The following PSD3 variants were observed in gnomAD, a reference collection of about 807,000 sequenced individuals.
The protein encoded by PSD3 is pleckstrin and Sec7 domain containing 3.
Under a neutral mutation model 105.5 loss-of-function variants are expected in PSD3, and 49 were observed. That is an observed-to-expected ratio of 0.46 (90% CI 0.37 to 0.59). The LOEUF (loss-of-function observed/expected upper bound fraction) is 0.59. Among genes scored for constraint, PSD3 ranks in the 20% least tolerant of loss-of-function variants. The pLI is 0.00. For missense variants in PSD3, 1,561 were observed against 1,263.8 expected (o/e 1.24, Z -3.57); for synonymous variants, 557 against 457.8 (o/e 1.22, Z -2.77).
At chr8:18,702,489 A>G (rs1039303588) in intron 9 of PSD3, among the ~76,000 whole-genome samples, 2 of 152,240 alleles carry the variant, frequency 1.3e-5, no homozygotes, top group East Asian at 3.8e-4. Flanking sequence ...CTTTTGACAC[A>G]TATACACAAC....
At chr8:19,036,816 G>A (rs995527778) in intron 1 of PSD3, among the ~76,000 whole-genome samples, 5 of 152,142 alleles carry the variant, frequency 3.3e-5, no homozygotes, top group Admixed American at 6.5e-5. Context: ...AATCAGACCA[G>A]GGCTCTTCTT....
intron 9 of PSD3, among the ~76,000 whole-genome samples, chr8:18,700,402 G>T (rs1438584096): frequency 3.3e-5 from 5 of 152,130 alleles, no homozygotes; most frequent in African/African-American, 9.7e-5. Context: ...CTAGAGTACG[G>T]TTGTTTCTTA....
chr8:19,083,664 C>G (rs1345686975), intron 1 of PSD3, among the ~76,000 whole-genome samples: 1 of 150,228 alleles, frequency 6.7e-6, no homozygotes, highest in African/African-American at 2.5e-5. Flanking sequence ...GAAACCTCCA[C>G]AGCTCCCTGG....
At chr8:18,921,813 G>T (rs1821041424) in intron 2 of PSD3, among the ~76,000 whole-genome samples, 1 of 152,190 alleles carries the variant, frequency 6.6e-6, no homozygotes, top group African/African-American at 2.4e-5. Flanking sequence ...AGTAAGGCAG[G>T]CAAGGTATGA....
At chr8:18,882,378 G>A (rs1818164128) in intron 2 of PSD3, among the ~76,000 whole-genome samples, 1 of 152,122 alleles carries the variant, frequency 6.6e-6, no homozygotes, top group Non-Finnish European at 1.5e-5. Context: ...TGATATTAGA[G>A]CCAGTTCATT....
In PSD3 at chr8:18,533,626, C is replaced by T. The variant is rs1563294466; in HGVS notation, c.*2117G>A. 6.6e-6 allele frequency: 1 copy of T among 152,186 alleles called. No homozygotes were observed. The highest frequency in any genetic ancestry group is 1.5e-5 in the Non-Finnish European group (1 of 68,038). 9.4% of individuals were successfully genotyped at this position (152,186 alleles called of 1,614,324 possible). A position where few individuals can be genotyped will look rare whatever the true frequency, so the allele number is the denominator to read the frequency against. On this transcript the variant is annotated 3_prime_UTR_variant, in exon 16 of 16. Transcript: ENST00000327040. ...AGACTGTGGGCAAACACATTCAAGCCACTCAGGGAAGTTCCTTTTTCTTTA... is the reference window on the plus strand; with the variant it reads ...AGACTGTGGGCAAACACATTCAAGCTACTCAGGGAAGTTCCTTTTTCTTTA...
At chr8:18,832,420 C>T (rs532987269) in intron 4 of PSD3, among the ~76,000 whole-genome samples, 4 of 152,082 alleles carry the variant, frequency 2.6e-5, no homozygotes, top group Middle Eastern at 3.4e-3. Flanking sequence ...AAAACTCAAA[C>T]GTTTTGGGCA....
intron 2 of PSD3, among the ~76,000 whole-genome samples, chr8:18,930,488 G>A (rs1821671395): frequency 6.6e-6 from 1 of 152,064 alleles, no homozygotes; most frequent in Admixed American, 6.5e-5. Context: ...CATACGCTTG[G>A]GTATCCTGGG....
At chr8:18,730,642 C>T (rs148510953) in intron 9 of PSD3, among the ~76,000 whole-genome samples, 1 of 152,304 alleles carries the variant, frequency 6.6e-6, no homozygotes, top group African/African-American at 2.4e-5. Flanking sequence ...GTACGCTATA[C>T]ACTGTTTACA....
At chr8:19,004,542 G>A (rs1300268357) in intron 1 of PSD3, among the ~76,000 whole-genome samples, 4 of 151,954 alleles carry the variant, frequency 2.6e-5, no homozygotes, top group Admixed American at 1.3e-4. Flanking sequence ...ATATCTGATA[G>A]GAGACTTCAA....
intron 9 of PSD3, among the ~76,000 whole-genome samples, chr8:18,753,521 C>T (rs1805776281): frequency 6.6e-6 from 1 of 152,032 alleles, no homozygotes; most frequent in African/African-American, 2.4e-5. Context: ...CAATTTAGCA[C>T]AAAAACTATG....
intron 2 of PSD3, among the ~76,000 whole-genome samples, chr8:18,902,797 G>A (rs963034566): frequency 3.3e-5 from 5 of 152,186 alleles, no homozygotes; most frequent in African/African-American, 1.2e-4. Flanking sequence ...ATAACTGTGG[G>A]TGCCTCAGTG....
rs1230994297 is a variant in PSD3 at position 19,028,278 on chromosome 8, A to C, written c.324+55928T>G. Among the ~76,000 whole-genome samples, 796 of 93,550 alleles carry C rather than the reference A, an allele frequency of 8.5e-3. 1 individual carries two copies. Among genetic ancestry groups the C allele is most frequent in the East Asian group, 0.014 (33 of 2,402 alleles). 61.4% of individuals were successfully genotyped at this position (93,550 alleles called of 152,430 possible). Reference sequence around the variant, plus strand: ...TCAATCTTTTGCCACCTCTCACACCACCCCCCCCCCCCGGCCCACCCTTTT... The same window carrying C: ...TCAATCTTTTGCCACCTCTCACACCCCCCCCCCCCCCCGGCCCACCCTTTT... On this transcript the variant is annotated intron_variant, in intron 1 of 1. Transcript: ENST00000521475.
rs570829758 is a variant in PSD3 at position 18,861,631 on chromosome 8, A to G, written c.1634+6043T>C. On this transcript the variant is annotated intron_variant, in intron 4 of 15. Transcript: ENST00000327040. ...TGCTTGAACTCTCACAATCATTTTG[A>G]CTCAGCCCCATGTGTCCTAGAGTCA... Among the ~76,000 whole-genome samples the G allele has an allele frequency of 3.3e-5, 5 of 152,094 alleles. No individual in the cohort carries two copies. The East Asian group carries it at 9.7e-4, about 30-fold the overall frequency.
chr8:18,745,502 C>A (rs1409592653), intron 9 of PSD3, among the ~76,000 whole-genome samples: 1 of 152,136 alleles, frequency 6.6e-6, no homozygotes, highest in African/African-American at 2.4e-5. Flanking sequence ...GGCACACCAC[C>A]CTCTTCTTTT....
rs548577393 is a variant in PSD3, at chr8:18,665,376, G to T, written c.2173-9691C>A. Among the ~76,000 whole-genome samples the T allele has an allele frequency of 9.3e-4, 141 of 152,336 alleles. 1 individual carries two copies. Among genetic ancestry groups the T allele is most frequent in the African/African-American group, 3.3e-3 (136 of 41,584 alleles). ...AGAGGAAGTCACTGCAGATGTGGTGGAAACAGTAACACAGCTAGAATTAGA... is the reference window on the plus strand; with the variant it reads ...AGAGGAAGTCACTGCAGATGTGGTGTAAACAGTAACACAGCTAGAATTAGA... On this transcript the variant is annotated intron_variant, in intron 9 of 15. Coordinates refer to ENST00000327040, the MANE Select transcript of PSD3 (RefSeq NM_015310.4).
intron 9 of PSD3, among the ~76,000 whole-genome samples, chr8:18,670,250 C>T (rs1271234483): frequency 6.6e-6 from 1 of 152,120 alleles, no homozygotes; most frequent in African/African-American, 2.4e-5. Flanking sequence ...TCTGAGAAAC[C>T]CAGCGGGGCT....
At chr8:18,684,201 T>C in intron 9 of PSD3, 1 of 262,702 alleles carries the variant, frequency 3.8e-6, no homozygotes, top group Non-Finnish European at 6.7e-6. Flanking sequence ...TCGTCTCTCT[T>C]TTCCACACAC....
chr8:18,938,474 T>G (rs1779931511), intron 1 of PSD3, among the ~76,000 whole-genome samples: 1 of 151,938 alleles, frequency 6.6e-6, no homozygotes, highest in Non-Finnish European at 1.5e-5. Flanking sequence ...AATACAAAAA[T>G]TGGCCAGGCG....
Sources: gnomAD v4.1 joint callset for allele counts (sites outside exome capture counted in the v4.1 genomes callset) on GRCh38, gnomAD v4.1.1 for gene constraint, MANE v1.5 for transcripts, NCBI Gene and HGNC (gene_info 2026-07-23, HGNC 2026-07-21) for gene names.